Variants in E2F3 observed in about 807,000 individuals in gnomAD.
E2F3 encodes E2F transcription factor 3.
A neutral mutation model predicts 44.4 loss-of-function variants in E2F3; 11 were observed. The observed-to-expected ratio is 0.25, with a 90% confidence interval of 0.16 to 0.41. The LOEUF (loss-of-function observed/expected upper bound fraction) is 0.41. E2F3 is among the 10% of genes least tolerant of loss of function. The probability of loss-of-function intolerance (pLI) is 1.00; values close to 1 mark genes in which losing one functional copy is unlikely to be tolerated. For synonymous variants in E2F3, 249 were observed against 253.0 expected (o/e 0.98, Z 0.15); for missense variants, 487 against 583.6 (o/e 0.83, Z 1.70).
At chr6:20,482,596 A>AT (rs1348511074) in intron 3 of E2F3, among the ~76,000 whole-genome samples, 166 bp from the exon 4 acceptor site, 54 of 122,710 alleles carry the variant, frequency 4.4e-4, no homozygotes, top group East Asian at 4.0e-3. Context: ...TTATGAAAAA[A>AT]AAAATATATA....
chr6:20,426,972 CTA>C (rs1460507344), intron 1 of E2F3, among the ~76,000 whole-genome samples: 8 of 152,072 alleles, frequency 5.3e-5, no homozygotes, highest in African/African-American at 1.9e-4. Flanking sequence ...TTCAAATAGT[CTA>C]TGGTTTATTG....
intron 1 of E2F3, among the ~76,000 whole-genome samples, chr6:20,453,608 C>T (rs141305385): frequency 1.3e-5 from 2 of 152,178 alleles, no homozygotes; most frequent in East Asian, 3.9e-4. Flanking sequence ...GACGAGGTCT[C>T]GCTACATTGT....
chr6:20,403,762 C>G (rs983206896), intron 1 of E2F3: 204 of 1,490,606 alleles, frequency 1.4e-4, no homozygotes, highest in Admixed American at 1.9e-4. Context: ...GCCCTCCGGG[C>G]CCCCTCTCCA....
chr6:20,476,779 C>G (rs534092303), intron 1 of E2F3, among the ~76,000 whole-genome samples: 1 of 152,276 alleles, frequency 6.6e-6, no homozygotes, highest in South Asian at 2.1e-4. Flanking sequence ...AGGGATGGCT[C>G]CCCAAGGAAC....
chr6:20,436,069 C>T (rs778602367), intron 1 of E2F3, among the ~76,000 whole-genome samples: 127 of 151,284 alleles, frequency 8.4e-4, no homozygotes, highest in Non-Finnish European at 1.2e-3. Flanking sequence ...CAACCTCCGC[C>T]TCCTGGATTC....
intron 2 of E2F3, among the ~76,000 whole-genome samples, chr6:20,480,425 T>A (rs1402558777): frequency 6.6e-6 from 1 of 152,176 alleles, no homozygotes; most frequent in Non-Finnish European, 1.5e-5. Context: ...TATTACCGTT[T>A]CTTGTGGGAG....
intron 1 of E2F3, among the ~76,000 whole-genome samples, chr6:20,475,941 G>T (rs527601994): frequency 6.6e-6 from 1 of 152,124 alleles, no homozygotes; most frequent in Non-Finnish European, 1.5e-5. Context: ...TCTTCCTGGC[G>T]GTCACAAGAA....
At chr6:20,454,690 G>A (rs1761251507) in intron 1 of E2F3, among the ~76,000 whole-genome samples, 1 of 152,180 alleles carries the variant, frequency 6.6e-6, no homozygotes, top group Non-Finnish European at 1.5e-5. Context: ...CCCCACAAAA[G>A]CATCATTGTT....
chr6:20,417,241 TG>T (rs1302510822), intron 1 of E2F3, among the ~76,000 whole-genome samples: 8 of 152,244 alleles, frequency 5.3e-5, no homozygotes, highest in East Asian at 1.9e-4. Flanking sequence ...GTAAATGAAA[TG>T]AGAGACTATG....
chr6:20,429,563 G>A (rs1334015072), intron 1 of E2F3, among the ~76,000 whole-genome samples: 13 of 152,172 alleles, frequency 8.5e-5, no homozygotes. Context: ...GGAGGATGAG[G>A]AGAGACTACC....
At chr6:20,446,733 A>G (rs944287105) in intron 1 of E2F3, among the ~76,000 whole-genome samples, 1 of 151,970 alleles carries the variant, frequency 6.6e-6, no homozygotes, top group Non-Finnish European at 1.5e-5. Flanking sequence ...CACACCTGCT[A>G]ATTTTTGTAT....
intron 1 of E2F3, among the ~76,000 whole-genome samples, chr6:20,418,722 C>T (rs1278335565): frequency 3.3e-5 from 5 of 152,256 alleles, no homozygotes; most frequent in East Asian, 1.9e-4. Flanking sequence ...CTCTCTAGAG[C>T]GTACCTGCAG....
chr6:20,454,889 A>G (rs1287008240), intron 1 of E2F3, among the ~76,000 whole-genome samples: 1 of 152,198 alleles, frequency 6.6e-6, no homozygotes, highest in Non-Finnish European at 1.5e-5. Context: ...TTTTCTGGAC[A>G]TTAGACTCCA....
At chr6:20,489,575 G>A (rs900899461) in intron 6 of E2F3, among the ~76,000 whole-genome samples, 5 of 152,166 alleles carry the variant, frequency 3.3e-5, no homozygotes, top group Non-Finnish European at 5.9e-5. Context: ...ACAATGACTA[G>A]ATAGCAGAGA....
chr6:20,458,823 G>A (rs1761400049), intron 1 of E2F3, among the ~76,000 whole-genome samples: 1 of 152,192 alleles, frequency 6.6e-6, no homozygotes, highest in Non-Finnish European at 1.5e-5. Flanking sequence ...GAGTAAGAAA[G>A]GTTCTTCCAT....
chr6:20,460,173 A>G (rs1007058177), intron 1 of E2F3, among the ~76,000 whole-genome samples: 8 of 152,130 alleles, frequency 5.3e-5, no homozygotes, highest in Non-Finnish European at 1.0e-4. Flanking sequence ...GGTTCCTCCA[A>G]TTTCCCTAGA....
chr6:20,446,860 C>T (rs758925806), intron 1 of E2F3, among the ~76,000 whole-genome samples: 1 of 152,186 alleles, frequency 6.6e-6, no homozygotes, highest in African/African-American at 2.4e-5. Flanking sequence ...AGCAACCATG[C>T]CCGGCCCTCT....
intron 1 of E2F3, among the ~76,000 whole-genome samples, chr6:20,416,001 C>A (rs921595756): frequency 1.6e-4 from 25 of 152,176 alleles, no homozygotes; most frequent in African/African-American, 6.0e-4. Flanking sequence ...ATGATTTGGT[C>A]ACATCACTTT....
chr6:20,471,823 G>A (rs940489356), intron 1 of E2F3, among the ~76,000 whole-genome samples: 1 of 152,080 alleles, frequency 6.6e-6, no homozygotes, highest in Non-Finnish European at 1.5e-5. Context: ...TGACTTCCCA[G>A]AGATAACCAC....
Sources: allele counts gnomAD v4.1 joint callset (sites outside exome capture counted in the v4.1 genomes callset), GRCh38; gene constraint gnomAD v4.1.1; transcripts MANE v1.5; gene names NCBI Gene and HGNC (gene_info 2026-07-23, HGNC 2026-07-21).